DYM: variants seen among roughly 807,000 people sequenced by gnomAD.
DYM encodes dymeclin.
In DYM, 78 loss-of-function variants were observed where a neutral mutation model predicts 93.1. The observed-to-expected ratio is 0.84, with a 90% CI of 0.70 to 1.01. The LOEUF (loss-of-function observed/expected upper bound fraction) is 1.01. DYM is among the 50% of genes least tolerant of loss of function. The pLI, the probability that DYM is intolerant of heterozygous loss-of-function variation, is 0.00. For missense variants in DYM, 789 were observed against 845.0 expected (o/e 0.93, Z 0.82); for synonymous variants, 321 against 319.7 (o/e 1.00, Z -0.04).
intron 5 of DYM, among the ~76,000 whole-genome samples, 196 bp from the exon 6 acceptor site, chr18:49,363,429 C>T (rs902341470): frequency 1.3e-5 from 2 of 152,146 alleles, no homozygotes; most frequent in Non-Finnish European, 1.5e-5. Flanking sequence ...TAGCATAGGA[C>T]CTTTCAACAC....
At chr18:49,441,428 G>A (rs962450242) in intron 1 of DYM, among the ~76,000 whole-genome samples, 2 of 132,752 alleles carry the variant, frequency 1.5e-5, no homozygotes, top group Non-Finnish European at 3.1e-5. Context: ...ACTTTAAGGA[G>A]AAAGCTGAAA....
chr18:49,103,975 G>A (rs1235321384), intron 16 of DYM, among the ~76,000 whole-genome samples: 1 of 152,038 alleles, frequency 6.6e-6, no homozygotes, highest in Non-Finnish European at 1.5e-5. Context: ...TGATGGGGAT[G>A]GCATTGAATC....
intron 15 of DYM, among the ~76,000 whole-genome samples, chr18:49,156,272 C>A (rs1470969144): frequency 6.6e-6 from 1 of 152,172 alleles, no homozygotes; most frequent in Non-Finnish European, 1.5e-5. Context: ...CACAGTCCAA[C>A]AAGATGCTCA....
At chr18:49,429,877 A>G (rs776127468) in intron 2 of DYM, among the ~76,000 whole-genome samples, 1 of 152,130 alleles carries the variant, frequency 6.6e-6, no homozygotes, top group Non-Finnish European at 1.5e-5. Flanking sequence ...AATGTGCTAC[A>G]TATACAAGAT....
chr18:49,292,355 G>GACAC (rs57025579), intron 8 of DYM, among the ~76,000 whole-genome samples: 10,206 of 84,296 alleles, frequency 0.12, 658 homozygotes, highest in Non-Finnish European at 0.17. Flanking sequence ...CAGACAGACA[G>GACAC]ACACACACAC....
At chr18:49,261,830 G>A (rs1304832044) in intron 11 of DYM, among the ~76,000 whole-genome samples, 1 of 152,040 alleles carries the variant, frequency 6.6e-6, no homozygotes, top group Non-Finnish European at 1.5e-5. Flanking sequence ...ATTCCCCCAT[G>A]GAGGAACAAA....
rs2070837112 is a variant in DYM at position 49,039,728 on chromosome 18, G to C, written c.*4327C>G. Among the ~76,000 whole-genome samples, 2 of 151,422 alleles carry C rather than the reference G, an allele frequency of 1.3e-5. No individual in the cohort carries two copies. Among genetic ancestry groups the C allele is most frequent in the Admixed American group, 6.6e-5 (1 of 15,208 alleles). On this transcript the variant is annotated 3_prime_UTR_variant, in exon 18 of 18. Coordinates refer to ENST00000675505, the MANE Select transcript of DYM (RefSeq NM_001353214.3). ...TTCTCATTACAGTACTTTAGTTATA[G>C]AATTTCCAATGCGCCTTTTACAGTT...
chr18:49,125,454 T>C (rs914911721), intron 15 of DYM, among the ~76,000 whole-genome samples: 1 of 152,134 alleles, frequency 6.6e-6, no homozygotes, highest in Non-Finnish European at 1.5e-5. Context: ...TGGATGTCAG[T>C]GGTAGTAGTG....
chr18:49,195,887 T>C (rs1292031207), intron 14 of DYM, among the ~76,000 whole-genome samples: 3 of 150,694 alleles, frequency 2.0e-5, no homozygotes, highest in South Asian at 2.1e-4. Flanking sequence ...TACTTCATTA[T>C]CTAATTATGC....
intron 13 of DYM, among the ~76,000 whole-genome samples, chr18:49,224,998 G>A (rs907614342): frequency 2.0e-5 from 3 of 152,160 alleles, no homozygotes; most frequent in African/African-American, 7.2e-5. Context: ...AAGGACAAAC[G>A]AGACAGAAAA....
chr18:49,398,123 T>G (rs2147999662), intron 2 of DYM, among the ~76,000 whole-genome samples: 1 of 152,346 alleles, frequency 6.6e-6, no homozygotes, highest in South Asian at 2.1e-4. Flanking sequence ...TTTTTAAAGT[T>G]AAATTTTTTA....
intron 14 of DYM, among the ~76,000 whole-genome samples, chr18:49,172,892 T>C (rs1284608680): frequency 2.0e-5 from 3 of 152,148 alleles, no homozygotes; most frequent in African/African-American, 7.2e-5. Flanking sequence ...ATTTCTTCTA[T>C]AGTTTTACAG....
rs1256059077 is a variant in DYM, at chr18:49,209,455, TTAA to T, written c.1625+93_1625+95del. ...ACCATTTCAAATATAAATGTTCTCT[TTAA>T]TAATTTAATTGACACATGTCTTATT... is the stretch of plus-strand genomic sequence containing the variant. On this transcript the variant is annotated intron_variant, in intron 14 of 17. Transcript: ENST00000675505. The T allele has an allele frequency of 3.6e-6, 3 of 825,750 alleles. No homozygotes were observed. The African/African-American group carries it at 5.5e-5, about 15-fold the overall frequency. 51.2% of individuals were successfully genotyped at this position (825,750 alleles called of 1,614,324 possible).
At chr18:49,218,849 GA>G (rs1257383581) in intron 13 of DYM, among the ~76,000 whole-genome samples, 1 of 152,078 alleles carries the variant, frequency 6.6e-6, no homozygotes, top group East Asian at 1.9e-4. Flanking sequence ...AAAAGAACTA[GA>G]GAAGCAAGAG....
At chr18:49,377,794 G>A (rs1165525030) in intron 5 of DYM, among the ~76,000 whole-genome samples, 1 of 152,148 alleles carries the variant, frequency 6.6e-6, no homozygotes, top group Non-Finnish European at 1.5e-5. Flanking sequence ...ATATGAAAGT[G>A]TTATTATACA....
chr18:49,046,737 A>G lies in DYM; in HGVS notation c.2026-2533T>C, dbSNP rs141836468. Among the ~76,000 whole-genome samples, 263 of 152,232 alleles carry G rather than the reference A, an allele frequency of 1.7e-3. 1 individual carries two copies. Among genetic ancestry groups the G allele is most frequent in the African/African-American group, 5.7e-3 (238 of 41,528 alleles). On this transcript the variant is annotated intron_variant, in intron 17 of 17. Transcript: ENST00000675505. ...CAACCTAGCAAGACCCTATCTTTAC[A>G]AAAAATTTAAAAATTAGCCAGATGT...
At position 49,218,596 on chromosome 18, in the gene DYM, G is replaced by A. The variant is rs534799250; in HGVS notation, c.1461-8881C>T. On this transcript the variant is annotated intron_variant, in intron 13 of 17. Transcript: ENST00000675505. ...CAATGAAACTAGAACTCAGGATTAA[G>A]AAACTCACTCAAAACCACTCAACTA... is the stretch of plus-strand genomic sequence containing the variant. Among the ~76,000 whole-genome samples the A allele has an allele frequency of 3.3e-5, 5 of 152,230 alleles. 1 individual carries two copies. The South Asian group carries it at 1.0e-3, about 32-fold the overall frequency.
intron 14 of DYM, among the ~76,000 whole-genome samples, chr18:49,189,454 T>A (rs771030639): frequency 1.3e-5 from 2 of 152,188 alleles, no homozygotes; most frequent in Non-Finnish European, 2.9e-5. Flanking sequence ...TATGCTGTTA[T>A]CATATTTTAT....
At chr18:49,247,876 A>G (rs781668923) in intron 13 of DYM, among the ~76,000 whole-genome samples, 1 of 152,216 alleles carries the variant, frequency 6.6e-6, no homozygotes, top group Admixed American at 6.5e-5. Context: ...GGACTAAACT[A>G]AAAAAGCAAA....
Sources: allele counts gnomAD v4.1 joint callset (sites outside exome capture counted in the v4.1 genomes callset), GRCh38; gene constraint gnomAD v4.1.1; transcripts MANE v1.5; gene names NCBI Gene and HGNC (gene_info 2026-07-23, HGNC 2026-07-21).